The following MGAT4C variants were observed in gnomAD, a reference collection of about 807,000 sequenced individuals.
MGAT4C encodes the protein alpha-1,3-mannosyl-glycoprotein 4-beta-N-acetylglucosaminyltransferase C.
A neutral mutation model predicts 40.1 loss-of-function variants in MGAT4C; 19 were observed. That is an observed-to-expected ratio of 0.47 (90% CI 0.33 to 0.70). The LOEUF is 0.70. Ranked by LOEUF, MGAT4C falls within the 30% of genes least tolerant of loss-of-function variation. MGAT4C has a pLI of 0.02. For synonymous variants in MGAT4C, 181 were observed against 187.1 expected, an observed-to-expected ratio of 0.97 and a Z score of 0.27; for missense variants, 491 against 563.2, an observed-to-expected ratio of 0.87 and a Z score of 1.30.
intron 2 of MGAT4C, among the ~76,000 whole-genome samples, chr12:86,726,192 C>T (rs146365734): frequency 6.6e-6 from 1 of 152,286 alleles, no homozygotes; most frequent in African/African-American, 2.4e-5. Context: ...ATAAATATAG[C>T]TATGTCTTCC....
intron 2 of MGAT4C, among the ~76,000 whole-genome samples, chr12:86,446,258 G>A (rs1421446560): frequency 3.3e-5 from 5 of 151,784 alleles, no homozygotes; most frequent in South Asian, 2.1e-4. Flanking sequence ...AACAAAACAC[G>A]TGCATAAGGT....
chr12:86,103,150 A>C (rs1875436468), intron 1 of MGAT4C, among the ~76,000 whole-genome samples: 2 of 152,284 alleles, frequency 1.3e-5, no homozygotes, highest in South Asian at 4.1e-4. Context: ...AATATAGGTC[A>C]GCTAGGGAGT....
intron 2 of MGAT4C, among the ~76,000 whole-genome samples, chr12:86,492,245 T>C (rs1209663679): frequency 2.0e-5 from 3 of 152,214 alleles, no homozygotes; most frequent in South Asian, 2.1e-4. Context: ...AGATTCAATG[T>C]CATCCCCATC....
At chr12:86,679,052 T>G (rs1342682547) in intron 2 of MGAT4C, among the ~76,000 whole-genome samples, 3 of 152,082 alleles carry the variant, frequency 2.0e-5, no homozygotes, top group East Asian at 1.9e-4. Context: ...ACCAACAGTG[T>G]AAAAGTGTTC....
intron 1 of MGAT4C, among the ~76,000 whole-genome samples, chr12:86,822,452 ATC>A (rs949157650): frequency 2.0e-5 from 3 of 151,156 alleles, no homozygotes; most frequent in African/African-American, 7.3e-5. Context: ...GTCTACAAAA[ATC>A]TCTCTTTAGA....
rs749696405 is a variant in MGAT4C, at chr12:86,796,572, A to C, written c.-262+42094T>G. On this transcript the variant is annotated intron_variant, in intron 1 of 7. Transcript: ENST00000548651. The stretch of plus-strand genomic sequence containing the variant: ...AAAGACATTGGTCAAAGGATACAAA[A>C]TTTCAGTTACATAGAAGGAAGAAAT... Among the ~76,000 whole-genome samples the C allele has an allele frequency of 2.7e-4, 41 of 151,952 alleles. 1 individual carries two copies. The highest frequency in any genetic ancestry group is 4.6e-4 in the Non-Finnish European group (31 of 67,896).
intron 3 of MGAT4C, among the ~76,000 whole-genome samples, chr12:86,349,995 T>C (rs891002682): frequency 6.6e-6 from 1 of 152,068 alleles, no homozygotes; most frequent in African/African-American, 2.4e-5. Flanking sequence ...CAAAGTTATA[T>C]AAATGTTTTA....
intron 2 of MGAT4C, among the ~76,000 whole-genome samples, chr12:86,019,627 T>C (rs1182416269): frequency 6.6e-6 from 1 of 152,226 alleles, no homozygotes; most frequent in Non-Finnish European, 1.5e-5. Context: ...GGTAGCGTGA[T>C]GCCTCCAGCC....
At chr12:86,429,686 A>T (rs1956996065) in intron 3 of MGAT4C, among the ~76,000 whole-genome samples, 1 of 152,024 alleles carries the variant, frequency 6.6e-6, no homozygotes, top group Non-Finnish European at 1.5e-5. Context: ...TGTGTTTCTT[A>T]TCACTTGTCC....
Position 86,505,224 on chromosome 12 carries a change from C to T in MGAT4C, c.-228-69959G>A, listed in dbSNP as rs1266788842. On this transcript the variant is annotated intron_variant, in intron 2 of 7. Coordinates refer to the MGAT4C transcript ENST00000548651. ...AATTGTTTGAAAAAAAAAATCCTGG[C>T]TAGATATTTGCTTTCTGGCCTAATG... is the stretch of plus-strand genomic sequence containing the variant. Among the ~76,000 whole-genome samples, 3 of 152,124 alleles carry T rather than the reference C, an allele frequency of 2.0e-5. No homozygotes were observed. In the East Asian group the frequency reaches 5.8e-4, roughly 30 times the overall value.
Position 85,980,324 on chromosome 12 carries a change from T to A in MGAT4C, c.402A>T (p.Glu134Asp). ...FEQSSYEELK[E>D]ISVVVHLADF... is the part of the protein sequence containing the mutation. The stretch of plus-strand genomic sequence containing the variant: ...CTGCTAGGTGAACCACCACTGAAAT[T>A]TCCTTCAGCTCTTCATAGCTGGATT... Residue 134 changes from glutamate (E) to aspartate (D), a missense_variant, in exon 5 of 5, where the codon GAA (glutamate) becomes GAT (aspartate). By Grantham distance (45) the Glu-to-Asp change is conservative. Transcript: ENST00000611864. 6.2e-7 allele frequency: 1 copy of A among 1,613,914 alleles called. No individual in the cohort carries two copies. The highest frequency in any genetic ancestry group is 8.5e-7 in the Non-Finnish European group (1 of 1,179,904).
At chr12:86,021,813 C>G (rs1889761884) in intron 2 of MGAT4C, among the ~76,000 whole-genome samples, 3 of 152,082 alleles carry the variant, frequency 2.0e-5, no homozygotes, top group South Asian at 4.1e-4. Context: ...TGTACAACCA[C>G]TAGTATAGTA....
At chr12:86,152,523 T>C (rs1016748945) in intron 1 of MGAT4C, among the ~76,000 whole-genome samples, 1 of 152,216 alleles carries the variant, frequency 6.6e-6, no homozygotes, top group Non-Finnish European at 1.5e-5. Context: ...ACTATTGTAC[T>C]GGTGATTCAG....
chr12:86,687,750 G>T (rs1005209682), intron 2 of MGAT4C, among the ~76,000 whole-genome samples: 1 of 151,992 alleles, frequency 6.6e-6, no homozygotes, highest in African/African-American at 2.4e-5. Context: ...GTTTTACTTC[G>T]AATTATGTGG....
intron 2 of MGAT4C, among the ~76,000 whole-genome samples, chr12:86,680,766 T>C (rs999926231): frequency 1.4e-4 from 22 of 152,020 alleles, no homozygotes; most frequent in Non-Finnish European, 2.9e-4. Context: ...CAGAATAAGA[T>C]TGATATTACT....
chr12:86,794,740 T>A (rs1273296462), intron 1 of MGAT4C, among the ~76,000 whole-genome samples: 1 of 151,912 alleles, frequency 6.6e-6, no homozygotes, highest in Non-Finnish European at 1.5e-5. Context: ...GTTCAGAAGT[T>A]AAAGCAAAAT....
At chr12:86,333,833 T>G (rs1235871113) in intron 4 of MGAT4C, among the ~76,000 whole-genome samples, 2 of 152,200 alleles carry the variant, frequency 1.3e-5, no homozygotes, top group Non-Finnish European at 2.9e-5. Flanking sequence ...AAACTGAATA[T>G]CAGTTAATAG....
intron 3 of MGAT4C, among the ~76,000 whole-genome samples, chr12:86,356,366 G>A (rs897426642): frequency 2.6e-5 from 4 of 152,068 alleles, no homozygotes; most frequent in Admixed American, 2.0e-4. Context: ...GTTCCAAGAT[G>A]GCCAAATAGG....
At chr12:86,338,041 C>G (rs1228564167) in intron 3 of MGAT4C, among the ~76,000 whole-genome samples, 5 of 152,034 alleles carry the variant, frequency 3.3e-5, no homozygotes, top group Non-Finnish European at 7.4e-5. Context: ...GCAGCCTAGA[C>G]AGAGCTGATT....
Sources: gnomAD v4.1 joint callset for allele counts (sites outside exome capture counted in the v4.1 genomes callset) on GRCh38, gnomAD v4.1.1 for gene constraint, MANE v1.5 for transcripts, NCBI Gene and HGNC (gene_info 2026-07-23, HGNC 2026-07-21) for gene names.